SH2D4A: variants seen among roughly 807,000 people sequenced by gnomAD.
SH2D4A encodes SH2 domain containing 4A.
In SH2D4A, 70 loss-of-function variants were observed where a neutral mutation model predicts 64.7. The observed-to-expected ratio is 1.08, with a 90% CI of 0.89 to 1.32. The LOEUF is 1.32. Among genes scored for constraint, SH2D4A ranks in the 40% most tolerant of loss-of-function variants. The probability of loss-of-function intolerance (pLI) is 0.00; values close to 1 mark genes in which losing one functional copy is unlikely to be tolerated. For synonymous variants in SH2D4A, 268 were observed against 200.7 expected (o/e 1.34, Z -2.83); for missense variants, 706 against 540.1 (o/e 1.31, Z -3.04).
At chr8:19,354,794 TA>T (rs1352689526) in intron 4 of SH2D4A, among the ~76,000 whole-genome samples, 2 of 152,158 alleles carry the variant, frequency 1.3e-5, no homozygotes, top group Non-Finnish European at 2.9e-5. Flanking sequence ...ACTGACAAAA[TA>T]GACAACACTT....
In SH2D4A at chr8:19,394,530, C is replaced by T; in HGVS notation, c.1273-20C>T. The T allele has an allele frequency of 3.8e-6, 6 of 1,573,626 alleles. No individual in the cohort carries two copies. The highest frequency in any genetic ancestry group is 5.2e-6 in the Non-Finnish European group (6 of 1,149,912). Reference sequence around the variant, plus strand: ...TGGTCACTACTTACACTATCTGACCCCGTGCCTTCTGATTGACAGGAGGAA... The same window carrying T: ...TGGTCACTACTTACACTATCTGACCTCGTGCCTTCTGATTGACAGGAGGAA... On this transcript the variant is annotated intron_variant, in intron 9 of 9. Coordinates refer to ENST00000265807, the MANE Select transcript of SH2D4A (RefSeq NM_022071.4).
chr8:19,330,815 T>C (rs956759899), intron 2 of SH2D4A, among the ~76,000 whole-genome samples: 1 of 151,768 alleles, frequency 6.6e-6, no homozygotes, highest in Non-Finnish European at 1.5e-5. Context: ...GCTGAGAGGC[T>C]GACATAAAAA....
intron 4 of SH2D4A, among the ~76,000 whole-genome samples, chr8:19,356,710 AGAG>A (rs796632332): frequency 3.9e-5 from 6 of 152,304 alleles, no homozygotes; most frequent in African/African-American, 1.2e-4. Flanking sequence ...GGGCAGGAAA[AGAG>A]GAGAATTGTG....
intron 5 of SH2D4A, among the ~76,000 whole-genome samples, chr8:19,358,734 A>T (rs571496787): frequency 2.0e-4 from 30 of 152,304 alleles, no homozygotes; most frequent in Non-Finnish European, 3.5e-4. Flanking sequence ...TGAGGCTCTG[A>T]TGAAGGAATT....
At chr8:19,393,628 C>A in intron 9 of SH2D4A, 87 bp downstream of exon 9, 1 of 1,347,380 alleles carries the variant, frequency 7.4e-7, no homozygotes, top group African/African-American at 1.4e-5. Flanking sequence ...AAGAAAAGGA[C>A]TGAGACAAGT....
chr8:19,341,871 G>T (rs1034980263), intron 4 of SH2D4A, among the ~76,000 whole-genome samples: 1 of 149,508 alleles, frequency 6.7e-6, no homozygotes, highest in African/African-American at 2.5e-5. Flanking sequence ...AGATCATCAC[G>T]AGAAACTGTG....
At chr8:19,317,144 C>T (rs2052102316) in intron 1 of SH2D4A, among the ~76,000 whole-genome samples, 1 of 152,148 alleles carries the variant, frequency 6.6e-6, no homozygotes, top group African/African-American at 2.4e-5. Context: ...CTGCGAAAAC[C>T]AACCATTGAA....
chr8:19,373,641 C>A lies in SH2D4A; in HGVS notation c.1029C>A (p.Thr343=), dbSNP rs756219851. Residue 343 remains threonine, a synonymous_variant, in exon 8 of 10, where the codon ACC becomes ACA. Transcript: ENST00000265807. The part of the protein sequence containing the change: ...LRAGYQKTSD[T]IAPWFHGILT... ...CGGGCTACCAGAAAACCTCAGACAC[C>A]ATAGCCCCCTGGTTCCATGGTGAGT... The A allele has an allele frequency of 6.2e-6, 10 of 1,613,246 alleles. No homozygotes were observed. In the East Asian group the frequency reaches 2.2e-4, roughly 36 times the overall value.
At chr8:19,358,292 G>C (rs1041612019) in intron 5 of SH2D4A, among the ~76,000 whole-genome samples, 2 of 152,126 alleles carry the variant, frequency 1.3e-5, no homozygotes, top group African/African-American at 4.8e-5. Flanking sequence ...CACATTTTAT[G>C]AAAAAATCAG....
chr8:19,314,095 C>G, intron 1 of SH2D4A: 2 of 451,998 alleles, frequency 4.4e-6, no homozygotes, highest in Non-Finnish European at 2.9e-6. Context: ...CGGCGGTCCC[C>G]GGGGCCTGGG....
At chr8:19,392,973 C>G (rs1255328504) in intron 8 of SH2D4A, among the ~76,000 whole-genome samples, 1 of 152,082 alleles carries the variant, frequency 6.6e-6, no homozygotes, top group Non-Finnish European at 1.5e-5. Flanking sequence ...GATCTCCTGA[C>G]CTCGTGATCC....
chr8:19,386,952 TTTG>T (rs1197099805), intron 8 of SH2D4A, among the ~76,000 whole-genome samples: 33 of 152,120 alleles, frequency 2.2e-4, no homozygotes, highest in Admixed American at 3.3e-4. Flanking sequence ...GATGATACTT[TTTG>T]TTGTTCTTTG....
At chr8:19,359,532 C>T (rs2052845722) in intron 5 of SH2D4A, among the ~76,000 whole-genome samples, 1 of 152,140 alleles carries the variant, frequency 6.6e-6, no homozygotes, top group African/African-American at 2.4e-5. Flanking sequence ...TCTGTTTAAG[C>T]TTAGAAATTG....
Position 19,326,026 on chromosome 8 carries a change from G to A in SH2D4A, c.181+6298G>A, listed in dbSNP as rs1205750561. 2.6e-5 allele frequency among the ~76,000 whole-genome samples: 4 copies of A among 152,284 alleles called. No homozygotes were observed. In the East Asian group the frequency reaches 5.8e-4, roughly 22 times the overall value. On this transcript the variant is annotated intron_variant, in intron 2 of 9. Transcript: ENST00000265807. ...TCCTGTGTGTGGTTGCCACCCCAGC[G>A]TCCCTTTTCAATTGCTCCATTTTCA...
chr8:19,388,510 A>G (rs2053428190), intron 8 of SH2D4A, among the ~76,000 whole-genome samples: 1 of 152,176 alleles, frequency 6.6e-6, no homozygotes, highest in South Asian at 2.1e-4. Context: ...AAGTTTTCTC[A>G]CCAATTATTT....
At chr8:19,323,581 A>G (rs1039962138) in intron 2 of SH2D4A, among the ~76,000 whole-genome samples, 2 of 152,142 alleles carry the variant, frequency 1.3e-5, no homozygotes, top group African/African-American at 4.8e-5. Context: ...GGGTTTCACC[A>G]TGTTGGCTAG....
intron 2 of SH2D4A, among the ~76,000 whole-genome samples, chr8:19,320,703 A>C (rs1381305936): frequency 1.3e-5 from 2 of 149,020 alleles, no homozygotes; most frequent in African/African-American, 2.5e-5. Context: ...CACCCTCCTC[A>C]CTCCGTTCTC....
At chr8:19,372,294 C>T (rs1563206452) in intron 7 of SH2D4A, among the ~76,000 whole-genome samples, 1 of 152,280 alleles carries the variant, frequency 6.6e-6, no homozygotes, top group African/African-American at 2.4e-5. Context: ...GCAGCTCTCC[C>T]AAGGGCTCTA....
At chr8:19,350,085 T>C (rs533486034) in intron 4 of SH2D4A, among the ~76,000 whole-genome samples, 1 of 152,380 alleles carries the variant, frequency 6.6e-6, no homozygotes, top group East Asian at 1.9e-4. Flanking sequence ...GTTTTTTTAA[T>C]CATGTTTTTA....
Sources: gnomAD v4.1 joint callset for allele counts (sites outside exome capture counted in the v4.1 genomes callset) on GRCh38, gnomAD v4.1.1 for gene constraint, MANE v1.5 for transcripts, NCBI Gene and HGNC (gene_info 2026-07-23, HGNC 2026-07-21) for gene names.